The following CUX1 variants were observed in gnomAD, a reference collection of about 807,000 sequenced individuals.
CUX1 encodes cut like homeobox 1.
A neutral mutation model predicts 158.8 loss-of-function variants in CUX1; 31 were observed. The ratio of observed to expected loss-of-function variants is 0.20; its 90% CI spans 0.15 to 0.26. The LOEUF (loss-of-function observed/expected upper bound fraction) is 0.26. CUX1 is among the 10% of genes least tolerant of loss of function. CUX1 has a pLI of 1.00. For missense variants in CUX1, 1,589 were observed against 2,014.6 expected, an observed-to-expected ratio of 0.79 and a Z score of 4.04; for synonymous variants, 879 against 862.1, an observed-to-expected ratio of 1.02 and a Z score of -0.34.
chr7:102,034,847 T>C (rs1250821667), intron 3 of CUX1, among the ~76,000 whole-genome samples: 1 of 150,558 alleles, frequency 6.6e-6, no homozygotes, highest in Non-Finnish European at 1.5e-5. Flanking sequence ...AGCAGGAGAA[T>C]CACTTGAACC....
At chr7:102,211,391 A>G (rs1796507411) in intron 20 of CUX1, among the ~76,000 whole-genome samples, 1 of 151,976 alleles carries the variant, frequency 6.6e-6, no homozygotes, top group Admixed American at 6.5e-5. Flanking sequence ...GGCTGCAGTG[A>G]GCAATGATAG....
chr7:102,136,610 G>C (rs1330218920), intron 8 of CUX1, among the ~76,000 whole-genome samples: 6 of 152,110 alleles, frequency 3.9e-5, no homozygotes, highest in Admixed American at 1.3e-4. Flanking sequence ...AGGCTGGTCT[G>C]AAACTCCTGA....
intron 1 of CUX1, among the ~76,000 whole-genome samples, chr7:101,855,934 C>T (rs977077457): frequency 3.3e-5 from 5 of 149,314 alleles, no homozygotes; most frequent in South Asian, 2.1e-4. Context: ...AATCCCAGCA[C>T]GTTGGGAGGC....
At chr7:101,896,045 C>A (rs1562975433) in intron 1 of CUX1, among the ~76,000 whole-genome samples, 1 of 151,624 alleles carries the variant, frequency 6.6e-6, no homozygotes. Flanking sequence ...CACCACTGCA[C>A]TTGGCGTATT....
At chr7:102,217,974 T>C (rs1199584039) in intron 20 of CUX1, among the ~76,000 whole-genome samples, 3 of 152,146 alleles carry the variant, frequency 2.0e-5, no homozygotes, top group Non-Finnish European at 2.9e-5. Flanking sequence ...GGAGAAAGGC[T>C]CTGGATGGAC....
intron 4 of CUX1, among the ~76,000 whole-genome samples, chr7:102,093,243 AAAG>A (rs1286564115): frequency 4.8e-4 from 69 of 142,464 alleles, no homozygotes; most frequent in Non-Finnish European, 1.1e-3. Context: ...AAAAAAAAAA[AAAG>A]AAAGTCATAG....
intron 21 of CUX1, 75 bp downstream of exon 21, chr7:102,227,744 T>C: frequency 6.9e-7 from 1 of 1,452,556 alleles, no homozygotes; most frequent in Non-Finnish European, 9.4e-7. Context: ...GGGCGGGCCC[T>C]AGGCCAAGCC....
rs543237651 is a variant in CUX1 at position 101,876,379 on chromosome 7, A to C, written c.31-39736A>C. On this transcript the variant is annotated intron_variant, in intron 1 of 23. Transcript: ENST00000292535. ...CTGATTTGCAACAATTTTGTGTCCT[A>C]GCCTAGAGTTTACCGTGCTATTGAA... Among the ~76,000 whole-genome samples, 63 of 150,446 alleles carry C rather than the reference A, an allele frequency of 4.2e-4. 1 individual carries two copies. In the South Asian group the frequency reaches 0.013, roughly 32 times the overall value.
At position 102,003,295 on chromosome 7, in the gene CUX1, AACAC is replaced by A. The variant is rs56760446; in HGVS notation, c.142-24766_142-24763del. 1.0e-2 allele frequency among the ~76,000 whole-genome samples: 1,318 copies of A among 131,940 alleles called. 11 individuals carry two copies. The highest frequency in any genetic ancestry group is 0.025 in the African/African-American group (868 of 34,292). 86.6% of individuals were successfully genotyped at this position (131,940 alleles called of 152,430 possible). ...CCACTAAGCCCAGCACCTGGTGCCG[AACAC>A]ACACACACACACACACACACACACA... On this transcript the variant is annotated intron_variant, in intron 2 of 23. Coordinates refer to ENST00000292535, the MANE Select transcript of CUX1 (RefSeq NM_181552.4).
intron 2 of CUX1, among the ~76,000 whole-genome samples, chr7:102,018,350 A>C (rs1231148538): frequency 3.3e-5 from 5 of 152,184 alleles, no homozygotes; most frequent in Non-Finnish European, 5.9e-5. Context: ...TATTTAAGAG[A>C]ATTAACCAAT....
intron 1 of CUX1, among the ~76,000 whole-genome samples, chr7:101,852,764 C>T (rs1796409084): frequency 6.7e-6 from 1 of 149,752 alleles, no homozygotes; most frequent in Non-Finnish European, 1.5e-5. Context: ...GCAACCTCCA[C>T]CTCCTGGGTT....
At chr7:102,074,884 G>T (rs1826531117) in intron 4 of CUX1, among the ~76,000 whole-genome samples, 1 of 152,022 alleles carries the variant, frequency 6.6e-6, no homozygotes, top group South Asian at 2.1e-4. Flanking sequence ...CTTGAGATGG[G>T]GTCTTGCTCT....
chr7:101,900,083 A>T (rs886176799), intron 1 of CUX1, among the ~76,000 whole-genome samples: 14 of 152,240 alleles, frequency 9.2e-5, no homozygotes, highest in African/African-American at 3.4e-4. Flanking sequence ...TGATGCTGAC[A>T]GCTGGAGTCA....
chr7:101,956,549 G>A (rs1809806719), intron 2 of CUX1, among the ~76,000 whole-genome samples: 1 of 152,168 alleles, frequency 6.6e-6, no homozygotes, highest in South Asian at 2.1e-4. Flanking sequence ...TAATAGGAAT[G>A]TCTGTTCAGA....
chr7:101,870,148 T>TG (rs1297331918), intron 1 of CUX1, among the ~76,000 whole-genome samples: 2 of 111,890 alleles, frequency 1.8e-5, no homozygotes, highest in African/African-American at 7.4e-5. Flanking sequence ...TTTAGTGTTT[T>TG]TTTTGTTTTT....
At chr7:102,227,821 T>A in intron 21 of CUX1, 152 bp downstream of exon 21, 1 of 794,196 alleles carries the variant, frequency 1.3e-6, no homozygotes, top group Non-Finnish European at 2.0e-6. Context: ...TTGTGAACAG[T>A]AAGGAGCGTG....
chr7:102,197,547 A>G (rs1794920037), intron 15 of CUX1, among the ~76,000 whole-genome samples: 1 of 152,230 alleles, frequency 6.6e-6, no homozygotes, highest in Non-Finnish European at 1.5e-5. Flanking sequence ...GAAACCCTAT[A>G]GTATTTCAAT....
At position 101,928,999 on chromosome 7, in the gene CUX1, C is replaced by T. The variant is rs147047253; in HGVS notation, c.141+12774C>T. On this transcript the variant is annotated intron_variant, in intron 2 of 23. Transcript: ENST00000292535. ...ATGGACTTTAAAGTTATAAATGTGA[C>T]GGAGGGCAGTGGCTCACACCTAGAA... Among the ~76,000 whole-genome samples, 623 of 151,666 alleles carry T rather than the reference C, an allele frequency of 4.1e-3. 14 individuals carry two copies. Among genetic ancestry groups the T allele is most frequent in the Admixed American group, 0.038 (574 of 15,260 alleles).
chr7:102,261,626 G>A (rs1169269384), downstream of CUX1, among the ~76,000 whole-genome samples: 5 of 151,728 alleles, frequency 3.3e-5, no homozygotes, highest in African/African-American at 1.2e-4. Flanking sequence ...GGGATTTGAG[G>A]ACAACCCTCC....
Sources: allele counts gnomAD v4.1 joint callset (sites outside exome capture counted in the v4.1 genomes callset), GRCh38; gene constraint gnomAD v4.1.1; transcripts MANE v1.5; gene names NCBI Gene and HGNC (gene_info 2026-07-23, HGNC 2026-07-21).